Variants in RGS6 observed in about 807,000 individuals in gnomAD.
RGS6 encodes the protein regulator of G-protein signaling 6.
In RGS6, 30 loss-of-function variants were observed where a neutral mutation model predicts 78.5. The ratio of observed to expected loss-of-function variants is 0.38; its 90% CI spans 0.29 to 0.52. The LOEUF is 0.52. Among genes scored for constraint, RGS6 ranks in the 20% least tolerant of loss-of-function variants. RGS6 has a pLI of 0.85. For missense variants in RGS6, 495 were observed against 609.7 expected (o/e 0.81, Z 1.98); for synonymous variants, 206 against 206.0 (o/e 1.00, Z 0.00).
intron 2 of RGS6, among the ~76,000 whole-genome samples, chr14:72,318,483 C>G (rs1201320461): frequency 6.6e-6 from 1 of 152,060 alleles, no homozygotes; most frequent in African/African-American, 2.4e-5. Context: ...CAGTATTAGC[C>G]CTCACAATCA....
intron 2 of RGS6, among the ~76,000 whole-genome samples, chr14:72,125,316 G>A (rs2096161949): frequency 6.6e-6 from 1 of 152,152 alleles, no homozygotes; most frequent in Non-Finnish European, 1.5e-5. Flanking sequence ...GCCAGTTTGA[G>A]GTATCAGGTT....
At chr14:72,101,963 C>T (rs1029063258) in intron 2 of RGS6, among the ~76,000 whole-genome samples, 3 of 152,174 alleles carry the variant, frequency 2.0e-5, no homozygotes, top group African/African-American at 7.2e-5. Context: ...TTGGTGTTGA[C>T]AAACCTTACA....
chr14:72,011,580 T>C (rs1475230602), intron 2 of RGS6, among the ~76,000 whole-genome samples: 1 of 55,024 alleles, frequency 1.8e-5, no homozygotes, highest in Non-Finnish European at 5.5e-5. Context: ...AGCTCAAAAA[T>C]ATAAAAAAAA....
chr14:71,917,215 A>G, the RGS6 span, among the ~76,000 whole-genome samples: 1 of 152,114 alleles, frequency 6.6e-6, no homozygotes, highest in African/African-American at 2.4e-5. Context: ...AACTCACTGG[A>G]CTGTCCTGCC....
intron 16 of RGS6, 109 bp downstream of exon 16, chr14:72,536,384 TTTC>T (rs1446655761): frequency 1.2e-6 from 1 of 821,104 alleles, no homozygotes; most frequent in Non-Finnish European, 2.1e-6. Context: ...TATTTCCTAC[TTTC>T]TTCTTTCCCT....
intron 2 of RGS6, among the ~76,000 whole-genome samples, chr14:72,200,961 TAAAAAAAAAAAAAA>T (rs10577203): frequency 1.6e-5 from 2 of 121,614 alleles, no homozygotes; most frequent in Non-Finnish European, 1.6e-5. Flanking sequence ...GTGCTCTGCT[TAAAAAAAAAAAAAA>T]AAAAAAAAAA....
At chr14:72,395,192 C>T (rs2090924636) in intron 3 of RGS6, among the ~76,000 whole-genome samples, 1 of 152,080 alleles carries the variant, frequency 6.6e-6, no homozygotes, top group East Asian at 1.9e-4. Flanking sequence ...TTTTAAAGGA[C>T]TCAAGAGTTG....
intron 3 of RGS6, among the ~76,000 whole-genome samples, chr14:72,372,484 T>C (rs896349788): frequency 3.9e-5 from 6 of 152,198 alleles, no homozygotes; most frequent in Non-Finnish European, 8.8e-5. Context: ...AGAATATTAT[T>C]TTTTATAAGA....
intron 2 of RGS6, among the ~76,000 whole-genome samples, chr14:72,295,084 G>A (rs1290583376): frequency 2.0e-5 from 3 of 152,012 alleles, no homozygotes; most frequent in African/African-American, 7.3e-5. Flanking sequence ...GAGGTCAGGA[G>A]ATCGAGACCA....
intron 3 of RGS6, among the ~76,000 whole-genome samples, chr14:72,407,480 C>T (rs935959424): frequency 2.6e-5 from 4 of 152,148 alleles, no homozygotes; most frequent in Non-Finnish European, 4.4e-5. Flanking sequence ...CATGTGATTA[C>T]GGAGGCTGAG....
At chr14:72,265,070 G>C (rs547461075) in intron 2 of RGS6, among the ~76,000 whole-genome samples, 1 of 152,296 alleles carries the variant, frequency 6.6e-6, no homozygotes, top group South Asian at 2.1e-4. Context: ...ATGGAATTAG[G>C]GGATAGTCTT....
chr14:72,596,355 A>C, the RGS6 span, among the ~76,000 whole-genome samples: 1 of 152,082 alleles, frequency 6.6e-6, no homozygotes, highest in Non-Finnish European at 1.5e-5. Context: ...ATTATGTTGG[A>C]CCCACCTGTA....
the RGS6 span, among the ~76,000 whole-genome samples, chr14:71,869,850 G>T: frequency 2.8e-4 from 42 of 152,232 alleles, no homozygotes; most frequent in African/African-American, 1.0e-3. Flanking sequence ...GAGTGGGATT[G>T]GTGTTGTTAT....
intron 2 of RGS6, among the ~76,000 whole-genome samples, chr14:72,298,700 G>A (rs567385851): frequency 8.5e-5 from 13 of 152,078 alleles, no homozygotes; most frequent in East Asian, 3.9e-4. Flanking sequence ...CACCCGCCTC[G>A]GCCTCCCAGA....
chr14:72,277,368 C>T (rs1015877885), intron 2 of RGS6, among the ~76,000 whole-genome samples: 9 of 152,168 alleles, frequency 5.9e-5, no homozygotes, highest in South Asian at 2.1e-4. Flanking sequence ...GAGGCCGAAG[C>T]GGGCGGATCA....
At chr14:72,190,258 A>G (rs377562425) in intron 2 of RGS6, among the ~76,000 whole-genome samples, 2 of 152,328 alleles carry the variant, frequency 1.3e-5, no homozygotes, top group Admixed American at 6.5e-5. Context: ...CACCCTGGTA[A>G]ATGAAATCCT....
At chr14:71,908,620 G>A in the RGS6 span, among the ~76,000 whole-genome samples, 1 of 152,174 alleles carries the variant, frequency 6.6e-6, no homozygotes, top group Non-Finnish European at 1.5e-5. Context: ...GCACAATGAG[G>A]CCACAGGAGG....
intron 2 of RGS6, among the ~76,000 whole-genome samples, chr14:72,325,162 G>A (rs2073363206): frequency 6.6e-6 from 1 of 152,214 alleles, no homozygotes; most frequent in Admixed American, 6.5e-5. Flanking sequence ...CTTTCGAGAA[G>A]TATCTGTTCA....
intron 13 of RGS6, among the ~76,000 whole-genome samples, chr14:72,497,825 A>ATT (rs1237162088): frequency 6.7e-6 from 1 of 149,832 alleles, no homozygotes; most frequent in Non-Finnish European, 1.5e-5. Flanking sequence ...TTAACTCAGG[A>ATT]TTTTTTTTCT....
Sources: allele counts gnomAD v4.1 joint callset (sites outside exome capture counted in the v4.1 genomes callset), GRCh38; gene constraint gnomAD v4.1.1; transcripts MANE v1.5; gene names NCBI Gene and HGNC (gene_info 2026-07-23, HGNC 2026-07-21).